The following KRIT1 variants were observed in gnomAD, a reference collection of about 807,000 sequenced individuals.
The protein encoded by KRIT1 is KRIT1 ankyrin repeat containing, also known as krev interaction trapped protein 1.
KRIT1 carries 45 observed loss-of-function variants against 95.8 expected under a neutral mutation model. The ratio of observed to expected loss-of-function variants is 0.47; its 90% CI spans 0.37 to 0.60. The LOEUF (loss-of-function observed/expected upper bound fraction) is 0.60, where lower values mean the gene tolerates loss of function less well. Ranked by LOEUF, KRIT1 falls within the 20% of genes least tolerant of loss-of-function variation. The probability of loss-of-function intolerance (pLI) is 0.00; values close to 1 mark genes in which losing one functional copy is unlikely to be tolerated. For missense variants in KRIT1, 788 were observed against 877.5 expected (o/e 0.90, Z 1.29); for synonymous variants, 282 against 278.8 (o/e 1.01, Z -0.11).
intron 7 of KRIT1, 110 bp downstream of exon 7, chr7:92,236,303 T>C (rs955670482): frequency 8.1e-6 from 6 of 736,564 alleles, no homozygotes; most frequent in African/African-American, 7.1e-5. Flanking sequence ...TTTTAATACA[T>C]ATATTATTTT....
rs1048962058 is a variant in KRIT1 at position 92,229,444 on chromosome 7, T to G, written c.990-2762A>C. On this transcript the variant is annotated intron_variant, in intron 10 of 18. Coordinates refer to ENST00000394505, the MANE Select transcript of KRIT1 (RefSeq NM_194454.3). ...AGCACCTATAAGAAACTTAACAAAT[T>G]TACAAGAAAAAACCACCCCATTAAA... Among the ~76,000 whole-genome samples, 3 of 152,064 alleles carry G rather than the reference T, an allele frequency of 2.0e-5. No individual in the cohort carries two copies. The East Asian group carries it at 5.8e-4, about 29-fold the overall frequency.
chr7:92,232,161 C>T lies in KRIT1; in HGVS notation c.989+2288G>A, dbSNP rs553277392. The stretch of plus-strand genomic sequence containing the variant: ...CAGGCTGGTCTCAAACTCCTGACTT[C>T]CAGTCATCTGCCCTTCTTGGCCTTC... On this transcript the variant is annotated intron_variant, in intron 10 of 18. Transcript: ENST00000394505. 3.9e-5 allele frequency among the ~76,000 whole-genome samples: 6 copies of T among 152,274 alleles called. No homozygotes were observed. In the South Asian group the frequency reaches 1.2e-3, roughly 32 times the overall value.
intron 1 of KRIT1, 194 bp downstream of exon 1, chr7:92,245,596 C>G (rs1055323755): frequency 6.6e-6 from 1 of 152,134 alleles, no homozygotes; most frequent in Non-Finnish European, 1.5e-5. Context: ...GGACAGTCAC[C>G]TGGCGAGGGG....
chr7:92,243,707 A>AT (rs1800201282), intron 3 of KRIT1, among the ~76,000 whole-genome samples: 1 of 152,166 alleles, frequency 6.6e-6, no homozygotes, highest in African/African-American at 2.4e-5. Flanking sequence ...AGCTTTTGGC[A>AT]TTTTACATAA....
In KRIT1 at chr7:92,242,152, TA is replaced by T. The variant is rs763388363; in HGVS notation, c.-2-16del. The T allele has an allele frequency of 1.3e-5, 19 of 1,408,470 alleles. No individual in the cohort carries two copies. The highest frequency in any genetic ancestry group is 1.8e-4 in the Middle Eastern group (1 of 5,686). 87.2% of individuals were successfully genotyped at this position (1,408,470 alleles called of 1,614,324 possible). A position where few individuals can be genotyped will look rare whatever the true frequency, so the allele number is the denominator to read the frequency against. On this transcript the variant is annotated splice_polypyrimidine_tract_variant and intron_variant, in intron 3 of 18. Coordinates refer to ENST00000394505, the MANE Select transcript of KRIT1 (RefSeq NM_194454.3). ...ATTTCCCATTGCTTTACAAAACAAA[TA>T]AAAAAATCCTTTGAAAGATTAAATG... is the stretch of plus-strand genomic sequence containing the variant.
intron 10 of KRIT1, among the ~76,000 whole-genome samples, chr7:92,229,367 A>G (rs950184118): frequency 3.3e-5 from 5 of 152,246 alleles, no homozygotes; most frequent in Admixed American, 3.3e-4. Flanking sequence ...GACAACCTAC[A>G]GAATGGGAGA....
intron 3 of KRIT1, among the ~76,000 whole-genome samples, chr7:92,243,499 C>T (rs1283907009): frequency 6.6e-6 from 1 of 152,176 alleles, no homozygotes; most frequent in African/African-American, 2.4e-5. Flanking sequence ...TTCCCTACTG[C>T]TGCAACTCTC....
At position 92,199,753 on chromosome 7, in the gene KRIT1, A is replaced by C. The variant is rs1281780311; in HGVS notation, c.*983T>G. ...TTATTGGGTCTGAAATTATTCTAAC[A>C]GCAAAAAAGAAAAAACAAAACCAAA... On this transcript the variant is annotated 3_prime_UTR_variant, in exon 19 of 19. Coordinates refer to ENST00000394505, the MANE Select transcript of KRIT1 (RefSeq NM_194454.3). 2 of 152,220 alleles carry C rather than the reference A, an allele frequency of 1.3e-5. No homozygotes were observed. The highest frequency in any genetic ancestry group is 2.9e-5 in the Non-Finnish European group (2 of 68,022). 9.4% of individuals were successfully genotyped at this position (152,220 alleles called of 1,614,324 possible).
At chr7:92,201,495 C>T (rs1563212549) in intron 17 of KRIT1, 72 bp from the exon 18 acceptor site, 2 of 802,606 alleles carry the variant, frequency 2.5e-6, no homozygotes, top group Non-Finnish European at 4.5e-6. Context: ...TTACTATCTA[C>T]ATTTATGTTG....
At chr7:92,214,837 C>G in intron 14 of KRIT1, 60 bp from the exon 15 acceptor site, 2 of 1,163,560 alleles carry the variant, frequency 1.7e-6, no homozygotes, top group Non-Finnish European at 2.6e-6. Context: ...AAATGAACAA[C>G]TTAATATGGG....
chr7:92,226,159 A>G (rs1796165107), intron 11 of KRIT1, among the ~76,000 whole-genome samples: 1 of 152,074 alleles, frequency 6.6e-6, no homozygotes, highest in Non-Finnish European at 1.5e-5. Flanking sequence ...CTTTTTCAAG[A>G]TGTTTTTGGA....
chr7:92,231,592 T>C (rs1315424121), intron 10 of KRIT1, among the ~76,000 whole-genome samples: 2 of 152,214 alleles, frequency 1.3e-5, no homozygotes, highest in Non-Finnish European at 2.9e-5. Flanking sequence ...CTCTTCACTG[T>C]ATCACAGTCA....
At chr7:92,236,664 T>C (rs1054356145) in intron 6 of KRIT1, 122 bp from the exon 7 acceptor site, 4 of 717,602 alleles carry the variant, frequency 5.6e-6, no homozygotes, top group African/African-American at 1.8e-5. Context: ...GTTCTAGATT[T>C]GGAATTAGAA....
chr7:92,214,576 A>G, intron 15 of KRIT1, 35 bp downstream of exon 15: 2 of 1,501,688 alleles, frequency 1.3e-6, no homozygotes, highest in Non-Finnish European at 1.9e-6. Flanking sequence ...AATCTTAAGC[A>G]TAGCACAAGA....
At chr7:92,240,275 G>A (rs1274174928) in intron 5 of KRIT1, among the ~76,000 whole-genome samples, 1 of 152,068 alleles carries the variant, frequency 6.6e-6, no homozygotes, top group East Asian at 1.9e-4. Flanking sequence ...ATATGAATCA[G>A]ATAACTAATC....
chr7:92,234,344 T>C, intron 10 of KRIT1, 105 bp downstream of exon 10: 1 of 908,352 alleles, frequency 1.1e-6, no homozygotes, highest in South Asian at 1.5e-5. Context: ...GGCAAACAGG[T>C]AGAGAAAAAG....
At position 92,242,279 on chromosome 7, in the gene KRIT1, C is replaced by T. The variant is rs1328832261; in HGVS notation, c.-2-142G>A. ...AAAAATTAAAAAAAAATAAAATGTT[C>T]TCTATCCTAGAATATACAGTGCCTA... On this transcript the variant is annotated intron_variant, in intron 3 of 18. Transcript: ENST00000394505. The T allele has an allele frequency of 2.2e-5, 14 of 643,282 alleles. 2 individuals are homozygous for T. The highest frequency in any genetic ancestry group is 1.3e-4 in the African/African-American group (7 of 54,828). 39.8% of individuals were successfully genotyped at this position (643,282 alleles called of 1,614,324 possible).
chr7:92,216,082 A>G (rs1405208747), intron 14 of KRIT1, among the ~76,000 whole-genome samples: 1 of 151,872 alleles, frequency 6.6e-6, no homozygotes, highest in Non-Finnish European at 1.5e-5. Flanking sequence ...ACAAAAAATT[A>G]GCTAGGCATG....
At chr7:92,239,749 C>T (rs546842649) in intron 5 of KRIT1, among the ~76,000 whole-genome samples, 13 of 140,350 alleles carry the variant, frequency 9.3e-5, no homozygotes, top group African/African-American at 2.1e-4. Flanking sequence ...CTCACTCTGT[C>T]GCCCAGGCTA....
Sources: gnomAD v4.1 joint callset for allele counts (sites outside exome capture counted in the v4.1 genomes callset) on GRCh38, gnomAD v4.1.1 for gene constraint, MANE v1.5 for transcripts, NCBI Gene and HGNC (gene_info 2026-07-23, HGNC 2026-07-21) for gene names.